The following ZNF723 variants were observed in gnomAD, a reference collection of about 807,000 sequenced individuals.
The protein encoded by ZNF723 is zinc finger protein 723, pseudogene.
ZNF723 carries 5 observed loss-of-function variants against 9.4 expected under a neutral mutation model. The observed-to-expected ratio is 0.53, with a 90% CI of 0.28 to 1.12. ZNF723 has a LOEUF of 1.12. Among genes scored for constraint, ZNF723 ranks in the 50% most tolerant of loss-of-function variants. The pLI is 0.10. For synonymous variants in ZNF723, 158 were observed against 168.8 expected (o/e 0.94, Z 0.49); for missense variants, 450 against 501.5 (o/e 0.90, Z 0.98).
the ZNF723 span, among the ~76,000 whole-genome samples, chr19:22,815,765 G>T: frequency 1.3e-5 from 2 of 152,122 alleles, no homozygotes; most frequent in African/African-American, 2.4e-5. Flanking sequence ...AAGGATTACT[G>T]TTCTTTTACA....
At chr19:22,824,308 G>C in the ZNF723 span, among the ~76,000 whole-genome samples, 2 of 151,980 alleles carry the variant, frequency 1.3e-5, no homozygotes, top group African/African-American at 4.8e-5. Flanking sequence ...AATATCGCTA[G>C]GCCCAGAACC....
chr19:22,848,119 AAAT>A, intron 1 of ZNF723, 139 bp from the exon 2 acceptor site: 2 of 394,966 alleles, frequency 5.1e-6, no homozygotes, highest in South Asian at 1.5e-4. Context: ...AAAAAAAAAA[AAAT>A]TATTGGAGGA....
At chr19:22,817,686 T>A in the ZNF723 span, among the ~76,000 whole-genome samples, 388 of 152,328 alleles carry the variant, frequency 2.5e-3, no homozygotes, top group African/African-American at 7.7e-3. Context: ...CATGTATCTT[T>A]GCCCAGCTCA....
intron 1 of ZNF723, among the ~76,000 whole-genome samples, chr19:22,846,856 C>CTTTTT (rs1967318212): frequency 2.1e-5 from 1 of 48,414 alleles, no homozygotes; most frequent in Non-Finnish European, 3.8e-5. Context: ...TGGAGTTTTG[C>CTTTTT]TCTTGATGCC....
intron 1 of ZNF723, among the ~76,000 whole-genome samples, chr19:22,836,546 C>G (rs1907758889): frequency 6.6e-6 from 1 of 152,116 alleles, no homozygotes; most frequent in African/African-American, 2.4e-5. Flanking sequence ...GGTGAAAAAT[C>G]AGATTCTAGA....
chr19:22,849,530 CA>C (rs1387792496), intron 3 of ZNF723, among the ~76,000 whole-genome samples: 4 of 152,146 alleles, frequency 2.6e-5, no homozygotes, highest in African/African-American at 9.7e-5. Flanking sequence ...CAGTGACAGC[CA>C]AAGTCTTCTT....
intron 1 of ZNF723, among the ~76,000 whole-genome samples, chr19:22,841,758 AGTAGACAT>A (rs1483030899): frequency 1.3e-5 from 2 of 152,184 alleles, no homozygotes; most frequent in African/African-American, 4.8e-5. Flanking sequence ...GTGAGTGTTG[AGTAGACAT>A]GTAGACATGA....
chr19:22,831,035 T>G (rs1795398763), upstream of ZNF723, among the ~76,000 whole-genome samples: 1 of 152,152 alleles, frequency 6.6e-6, no homozygotes, highest in Non-Finnish European at 1.5e-5. Context: ...AGTGCTGGGA[T>G]GACAGGCGTG....
chr19:22,820,157 C>G, the ZNF723 span, among the ~76,000 whole-genome samples: 1 of 152,140 alleles, frequency 6.6e-6, no homozygotes, highest in East Asian at 1.9e-4. Flanking sequence ...AATCTCCTTT[C>G]TCTGCCATGC....
chr19:22,820,102 T>C, the ZNF723 span, among the ~76,000 whole-genome samples: 3 of 152,092 alleles, frequency 2.0e-5, no homozygotes, highest in African/African-American at 7.2e-5. Context: ...CCCACATATT[T>C]TTAGTATTCT....
chr19:22,827,847 G>A (rs1368919859), upstream of ZNF723, among the ~76,000 whole-genome samples: 1 of 152,038 alleles, frequency 6.6e-6, no homozygotes, highest in Non-Finnish European at 1.5e-5. Context: ...GGTTGAGGTG[G>A]GTGGATCACC....
chr19:22,843,072 A>G (rs1458393342), intron 1 of ZNF723, among the ~76,000 whole-genome samples: 1 of 152,180 alleles, frequency 6.6e-6, no homozygotes, highest in African/African-American at 2.4e-5. Flanking sequence ...CCATAACCAC[A>G]ACTACACCTG....
chr19:22,822,601 G>A, the ZNF723 span, among the ~76,000 whole-genome samples: 4 of 152,180 alleles, frequency 2.6e-5, no homozygotes, highest in Non-Finnish European at 4.4e-5. Context: ...AGTGGCGCAT[G>A]CCTGTAATTC....
At chr19:22,819,887 A>G in the ZNF723 span, among the ~76,000 whole-genome samples, 2 of 152,068 alleles carry the variant, frequency 1.3e-5, no homozygotes, top group African/African-American at 4.8e-5. Context: ...TACATTGTGT[A>G]TTGTGACATA....
At chr19:22,830,535 A>C (rs75655431), upstream of ZNF723, among the ~76,000 whole-genome samples, 1 of 152,088 alleles carries the variant, frequency 6.6e-6, no homozygotes, top group East Asian at 1.9e-4. Flanking sequence ...AAAAAAAAAA[A>C]ATCCAGCTTC....
At chr19:22,848,477 C>T in intron 2 of ZNF723, 90 bp downstream of exon 2, 1 of 998,942 alleles carries the variant, frequency 1.0e-6, no homozygotes, top group Non-Finnish European at 1.5e-6. Context: ...TGATGCTTTG[C>T]ATAAATGAGT....
chr19:22,835,234 G>A (rs997862259), intron 1 of ZNF723, among the ~76,000 whole-genome samples: 3 of 151,852 alleles, frequency 2.0e-5, no homozygotes, highest in Admixed American at 2.0e-4. Context: ...CAGAGACGGG[G>A]TTTCACCACG....
At chr19:22,816,945 G>C in the ZNF723 span, among the ~76,000 whole-genome samples, 1 of 152,216 alleles carries the variant, frequency 6.6e-6, no homozygotes, top group Non-Finnish European at 1.5e-5. Flanking sequence ...GGGATATTGT[G>C]ACATAACTGC....
intron 1 of ZNF723, among the ~76,000 whole-genome samples, chr19:22,845,486 C>T (rs1262375234): frequency 6.6e-6 from 1 of 151,898 alleles, no homozygotes; most frequent in East Asian, 1.9e-4. Context: ...TGAAGATACA[C>T]TCATGAGAGT....
Sources: allele counts gnomAD v4.1 joint callset (sites outside exome capture counted in the v4.1 genomes callset), GRCh38; gene constraint gnomAD v4.1.1; transcripts MANE v1.5; gene names NCBI Gene and HGNC (gene_info 2026-07-23, HGNC 2026-07-21).